Variants in TENM2 observed in about 807,000 individuals in gnomAD.
TENM2 encodes teneurin-2.
TENM2 carries 52 observed loss-of-function variants against 245.2 expected under a neutral mutation model. The ratio of observed to expected loss-of-function variants is 0.21; its 90% CI spans 0.17 to 0.27. The LOEUF is 0.27. TENM2 is among the 10% of genes least tolerant of loss of function. TENM2 has a pLI of 1.00. For synonymous variants in TENM2, 1,363 were observed against 1,438.9 expected (o/e 0.95, Z 1.19); for missense variants, 3,046 against 3,666.8 (o/e 0.83, Z 4.37).
intron 2 of TENM2, among the ~76,000 whole-genome samples, chr5:167,622,680 G>A (rs1284575161): frequency 1.3e-5 from 2 of 152,070 alleles, no homozygotes; most frequent in Non-Finnish European, 1.5e-5. Context: ...ATCATACACT[G>A]TAGACATGAC....
the TENM2 span, among the ~76,000 whole-genome samples, chr5:167,053,153 A>G: frequency 6.6e-6 from 1 of 152,136 alleles, no homozygotes; most frequent in African/African-American, 2.4e-5. Flanking sequence ...AGACTTGGCC[A>G]TATGTTAACT....
At chr5:168,221,126 AAAAG>A (rs1228031523) in intron 23 of TENM2, among the ~76,000 whole-genome samples, 45 of 152,094 alleles carry the variant, frequency 3.0e-4, no homozygotes, top group African/African-American at 8.9e-4. Flanking sequence ...AAAAAAAAGA[AAAAG>A]AAAGAAAGAA....
chr5:167,885,296 T>G (rs112327777), intron 3 of TENM2, among the ~76,000 whole-genome samples: 3,752 of 152,310 alleles, frequency 0.025, 102 homozygotes, highest in African/African-American at 0.064. Flanking sequence ...GTCTATGCTT[T>G]TGGTGTCATG....
intron 6 of TENM2, among the ~76,000 whole-genome samples, chr5:168,054,548 T>C (rs1385016902): frequency 6.6e-6 from 1 of 152,234 alleles, no homozygotes; most frequent in Non-Finnish European, 1.5e-5. Context: ...AGAGTTCGGT[T>C]AAGTTAGGAA....
chr5:167,890,959 T>C lies in TENM2; in HGVS notation c.712+14764T>C, dbSNP rs567998101. 3.9e-5 allele frequency among the ~76,000 whole-genome samples: 6 copies of C among 152,342 alleles called. No individual in the cohort carries two copies. The Middle Eastern group carries it at 0.01, about 259-fold the overall frequency. The stretch of plus-strand genomic sequence containing the variant: ...ATGTAGAAGGTATTATTATCTCTAC[T>C]TAACAGATAATCCATTTGAGGGATA... On this transcript the variant is annotated intron_variant, in intron 3 of 28. Transcript: ENST00000518659.
intron 2 of TENM2, among the ~76,000 whole-genome samples, chr5:167,599,153 A>G (rs189512719): frequency 9.9e-4 from 151 of 152,332 alleles, no homozygotes; most frequent in African/African-American, 3.3e-3. Context: ...ATAGCTTTGT[A>G]TATAGAATTT....
At chr5:167,916,169 G>A (rs527314313) in intron 3 of TENM2, among the ~76,000 whole-genome samples, 52 of 152,284 alleles carry the variant, frequency 3.4e-4, no homozygotes, top group Non-Finnish European at 6.6e-4. Flanking sequence ...CTGAGGCTTC[G>A]CCAGCAGTCA....
intron 25 of TENM2, among the ~76,000 whole-genome samples, chr5:168,230,369 A>C (rs1377417264): frequency 1.3e-5 from 2 of 152,258 alleles, no homozygotes. Context: ...ATTTATTTGC[A>C]TCTCATTTAT....
chr5:167,021,674 C>G, the TENM2 span, among the ~76,000 whole-genome samples: 1 of 151,938 alleles, frequency 6.6e-6, no homozygotes, highest in Non-Finnish European at 1.5e-5. Flanking sequence ...TCTCAGTGTT[C>G]TGTAAAACTG....
At chr5:168,167,469 A>C (rs150020180) in intron 13 of TENM2, among the ~76,000 whole-genome samples, 10 of 152,172 alleles carry the variant, frequency 6.6e-5, no homozygotes, top group Admixed American at 3.9e-4. Flanking sequence ...GTGGAATCCT[A>C]TGAGATGCTT....
chr5:167,627,492 A>C (rs533282363), intron 2 of TENM2, among the ~76,000 whole-genome samples: 1 of 152,138 alleles, frequency 6.6e-6, no homozygotes, highest in African/African-American at 2.4e-5. Flanking sequence ...GATACACCCC[A>C]GTAAGTCTTT....
chr5:167,138,213 G>T, the TENM2 span, among the ~76,000 whole-genome samples: 3 of 152,180 alleles, frequency 2.0e-5, no homozygotes, highest in African/African-American at 7.2e-5. Flanking sequence ...GTTTACCGAT[G>T]AAATAATCAA....
At chr5:167,896,400 T>G (rs1378067404) in intron 3 of TENM2, among the ~76,000 whole-genome samples, 5 of 152,234 alleles carry the variant, frequency 3.3e-5, no homozygotes, top group Non-Finnish European at 7.3e-5. Flanking sequence ...GTGAAGGCCC[T>G]TGTCTGCCTT....
chr5:167,281,880 A>T (rs1045553704), upstream of TENM2, among the ~76,000 whole-genome samples: 1 of 151,790 alleles, frequency 6.6e-6, no homozygotes, highest in Non-Finnish European at 1.5e-5. Flanking sequence ...GGTACCTGTA[A>T]TCCCAGCTAC....
chr5:167,264,690 A>G, the TENM2 span, among the ~76,000 whole-genome samples: 2 of 152,168 alleles, frequency 1.3e-5, no homozygotes, highest in Non-Finnish European at 2.9e-5. Context: ...TCCGCTGCCT[A>G]TGTGTCTTCC....
intron 3 of TENM2, among the ~76,000 whole-genome samples, chr5:167,897,969 C>T (rs1775362954): frequency 6.7e-6 from 1 of 149,816 alleles, no homozygotes; most frequent in African/African-American, 2.5e-5. Context: ...ACTCCAGCCC[C>T]TTCGTGGTGG....
At chr5:167,128,937 G>A in the TENM2 span, among the ~76,000 whole-genome samples, 1 of 152,142 alleles carries the variant, frequency 6.6e-6, no homozygotes, top group South Asian at 2.1e-4. Context: ...CCTTGCCTTT[G>A]CAAAAGCACT....
intron 2 of TENM2, among the ~76,000 whole-genome samples, chr5:167,501,251 A>G (rs1381095893): frequency 6.6e-6 from 1 of 152,038 alleles, no homozygotes; most frequent in East Asian, 1.9e-4. Flanking sequence ...CTGTGTTCCC[A>G]TTACACTGCA....
chr5:167,736,105 C>T (rs1191584173), intron 2 of TENM2, among the ~76,000 whole-genome samples: 1 of 152,056 alleles, frequency 6.6e-6, no homozygotes, highest in Non-Finnish European at 1.5e-5. Flanking sequence ...CCTCAGGAAA[C>T]TTACAATCAT....
Sources: allele counts gnomAD v4.1 joint callset (sites outside exome capture counted in the v4.1 genomes callset), GRCh38; gene constraint gnomAD v4.1.1; transcripts MANE v1.5; gene names NCBI Gene and HGNC (gene_info 2026-07-23, HGNC 2026-07-21).